The following RYR2 variants were observed in gnomAD, a reference collection of about 807,000 sequenced individuals.
The protein encoded by RYR2 is ryanodine receptor 2.
RYR2 carries 227 observed loss-of-function variants against 601.1 expected under a neutral mutation model. The observed-to-expected ratio is 0.38, with a 90% CI of 0.34 to 0.42. RYR2 has a LOEUF of 0.42. RYR2 is among the 10% of genes least tolerant of loss of function. The probability of loss-of-function intolerance (pLI) is 1.00; values close to 1 mark genes in which losing one functional copy is unlikely to be tolerated. For synonymous variants in RYR2, 2,223 were observed against 2,175.1 expected (o/e 1.02, Z -0.61); for missense variants, 4,646 against 6,156.5 (o/e 0.75, Z 8.21).
intron 82 of RYR2, 22 bp downstream of exon 82, chr1:237,757,798 T>C: frequency 6.9e-7 from 1 of 1,446,528 alleles, no homozygotes; most frequent in Non-Finnish European, 9.7e-7. Flanking sequence ...CAGTCATTCA[T>C]ATAATGTACT....
In RYR2 at chr1:237,148,523, A is replaced by AT. The variant is rs1316106371; in HGVS notation, c.48+105954_48+105955insT. On this transcript the variant is annotated intron_variant, in intron 1 of 104. Coordinates refer to ENST00000366574, the MANE Select transcript of RYR2 (RefSeq NM_001035.3). ...TATCCCAGAACTTCAAGTAAAAAAA[A>AT]AAAAATATATATATATATATATATA... Among the ~76,000 whole-genome samples, 291 of 48,254 alleles carry AT rather than the reference A, an allele frequency of 6.0e-3. 2 individuals carry two copies. Among genetic ancestry groups the AT allele is most frequent in the African/African-American group, 0.015 (241 of 16,422 alleles). The allele number at this position is 48,254 out of a possible 152,430, so 31.7% of individuals were successfully genotyped here.
chr1:237,054,614 A>C (rs531331562), intron 1 of RYR2, among the ~76,000 whole-genome samples: 27 of 152,216 alleles, frequency 1.8e-4, no homozygotes, highest in African/African-American at 5.8e-4. Flanking sequence ...AGCCTTCCTG[A>C]TGGGCTGATA....
intron 1 of RYR2, among the ~76,000 whole-genome samples, chr1:237,123,834 AT>A (rs1388515208): frequency 6.6e-6 from 1 of 151,306 alleles, no homozygotes; most frequent in Non-Finnish European, 1.5e-5. Flanking sequence ...CGCCCGGCTA[AT>A]TTTTTGTATT....
intron 79 of RYR2, 140 bp from the exon 80 acceptor site, chr1:237,742,156 C>T (rs1691663976): frequency 1.6e-6 from 1 of 630,136 alleles, no homozygotes; most frequent in East Asian, 2.8e-5. Flanking sequence ...GTCATCTAAG[C>T]ATTCTATCTT....
At chr1:237,756,262 C>A (rs768857139) in intron 80 of RYR2, 26 bp from the exon 81 acceptor site, 4 of 1,510,386 alleles carry the variant, frequency 2.6e-6, no homozygotes, top group Non-Finnish European at 2.8e-6. Context: ...ATACCCTCAA[C>A]ATAAATGGTT....
intron 2 of RYR2, among the ~76,000 whole-genome samples, chr1:237,325,504 C>G (rs59285584): frequency 1.3e-5 from 2 of 151,684 alleles, no homozygotes; most frequent in African/African-American, 4.8e-5. Context: ...CTGGCTAACA[C>G]GATGAAACCC....
chr1:237,543,177 T>C (rs561594126), intron 25 of RYR2, among the ~76,000 whole-genome samples: 1 of 152,290 alleles, frequency 6.6e-6, no homozygotes, highest in Non-Finnish European at 1.5e-5. Context: ...TCCCTCTCTC[T>C]CTCTTGAAAT....
chr1:237,639,145 C>A lies in RYR2; in HGVS notation c.7059C>A (p.Ile2353=), dbSNP rs750016196. 1.2e-6 allele frequency: 2 copies of A among 1,613,780 alleles called. No individual in the cohort carries two copies. The highest frequency in any genetic ancestry group is 2.2e-5 in the East Asian group (1 of 44,866). The part of the protein sequence containing the change: ...LLAAMEEAIK[I]AEDPSRDGPS... The stretch of plus-strand genomic sequence containing the variant: ...CAGCAATGGAAGAAGCCATCAAAAT[C>A]GCCGAGGATCCTTCCCGAGATGGTC... The change falls in exon 46 of 105, where the codon ATC becomes ATA. Residue 2353 remains isoleucine, a synonymous_variant. Coordinates refer to ENST00000366574, the MANE Select transcript of RYR2 (RefSeq NM_001035.3).
intron 2 of RYR2, among the ~76,000 whole-genome samples, chr1:237,272,630 A>G (rs1689815747): frequency 1.3e-5 from 2 of 149,302 alleles, no homozygotes; most frequent in South Asian, 2.1e-4. Flanking sequence ...ATATGTGTAT[A>G]TATTGTTTTA....
chr1:237,176,191 C>T (rs1392673466), intron 1 of RYR2, among the ~76,000 whole-genome samples: 1 of 150,184 alleles, frequency 6.7e-6, no homozygotes. Context: ...GAGCTATGAT[C>T]ACTTCACTGC....
chr1:237,530,362 C>A, intron 24 of RYR2, 65 bp from the exon 25 acceptor site: 2 of 1,197,686 alleles, frequency 1.7e-6, no homozygotes, highest in East Asian at 2.5e-5. Context: ...GCTACTGCTG[C>A]TGTCTTGGGT....
intron 1 of RYR2, among the ~76,000 whole-genome samples, chr1:237,064,836 C>A (rs558888894): frequency 2.1e-5 from 3 of 143,608 alleles, no homozygotes; most frequent in African/African-American, 7.9e-5. Flanking sequence ...CATGCAAGCC[C>A]ATCACATCCT....
intron 4 of RYR2, among the ~76,000 whole-genome samples, chr1:237,361,927 G>A (rs990325725): frequency 3.3e-5 from 5 of 152,148 alleles, no homozygotes; most frequent in African/African-American, 1.2e-4. Flanking sequence ...TGCTAAGAGA[G>A]TGCCTTAGGT....
chr1:237,746,945 G>T (rs1287834817), intron 80 of RYR2, among the ~76,000 whole-genome samples: 3 of 151,822 alleles, frequency 2.0e-5, no homozygotes, highest in East Asian at 1.9e-4. Flanking sequence ...AAAGAACTTT[G>T]ATACTGCAGT....
intron 22 of RYR2, among the ~76,000 whole-genome samples, chr1:237,505,447 G>A (rs967238712): frequency 2.6e-5 from 4 of 152,224 alleles, no homozygotes; most frequent in Admixed American, 1.3e-4. Context: ...TTAGCAATCA[G>A]ATTTTTAGCT....
chr1:237,186,406 T>G (rs554061770), intron 1 of RYR2, among the ~76,000 whole-genome samples: 1 of 152,280 alleles, frequency 6.6e-6, no homozygotes, highest in African/African-American at 2.4e-5. Flanking sequence ...AAATCCGCAT[T>G]CCACTGTCAG....
chr1:237,178,132 G>A (rs896952211), intron 1 of RYR2, among the ~76,000 whole-genome samples: 1 of 152,114 alleles, frequency 6.6e-6, no homozygotes, highest in Non-Finnish European at 1.5e-5. Flanking sequence ...TTCCTAATGA[G>A]CTCAAATATC....
intron 2 of RYR2, among the ~76,000 whole-genome samples, chr1:237,313,138 T>C (rs917696707): frequency 6.6e-5 from 10 of 151,824 alleles, no homozygotes; most frequent in South Asian, 4.1e-4. Context: ...TTAAATAAGA[T>C]ATGTAAGTAT....
At chr1:237,152,906 A>G (rs1052454367) in intron 1 of RYR2, among the ~76,000 whole-genome samples, 5 of 113,606 alleles carry the variant, frequency 4.4e-5, no homozygotes, top group Non-Finnish European at 5.8e-5. Context: ...GCAGTTACCC[A>G]TCTGACAAAG....
Sources: allele counts gnomAD v4.1 joint callset (sites outside exome capture counted in the v4.1 genomes callset), GRCh38; gene constraint gnomAD v4.1.1; transcripts MANE v1.5; gene names NCBI Gene and HGNC (gene_info 2026-07-23, HGNC 2026-07-21).